The following GREB1L variants were observed in gnomAD, a reference collection of about 807,000 sequenced individuals.
The protein encoded by GREB1L is GREB1 like retinoic acid receptor coactivator, also known as GREB1-like protein.
Under a neutral mutation model 200.8 loss-of-function variants are expected in GREB1L, and 17 were observed. That is an observed-to-expected ratio of 0.08 (90% CI 0.06 to 0.13). The LOEUF (loss-of-function observed/expected upper bound fraction) is 0.13, where lower values mean the gene tolerates loss of function less well. Among genes scored for constraint, GREB1L ranks in the 10% least tolerant of loss-of-function variants. GREB1L has a pLI of 1.00. For synonymous variants in GREB1L, 789 were observed against 893.0 expected (o/e 0.88, Z 2.08); for missense variants, 1,657 against 2,367.7 (o/e 0.70, Z 6.23).
At chr18:21,416,693 C>CAA (rs1366578660) in intron 7 of GREB1L, among the ~76,000 whole-genome samples, 94 of 114,916 alleles carry the variant, frequency 8.2e-4, no homozygotes, top group Non-Finnish European at 9.5e-4. Flanking sequence ...AACTCCATCT[C>CAA]AAAAAAAAAA....
intron 1 of GREB1L, among the ~76,000 whole-genome samples, chr18:21,356,538 G>C (rs2039506645): frequency 6.6e-6 from 1 of 152,110 alleles, no homozygotes; most frequent in Admixed American, 6.6e-5. Context: ...ATTCCATTGT[G>C]TATATATACC....
At chr18:21,412,354 A>T (rs1418708723) in intron 7 of GREB1L, among the ~76,000 whole-genome samples, 1 of 152,114 alleles carries the variant, frequency 6.6e-6, no homozygotes, top group Non-Finnish European at 1.5e-5. Context: ...TCAAGGCCGC[A>T]GTGAGCTGTG....
In GREB1L at chr18:21,525,815, G is replaced by A. The variant is rs2037677493; in HGVS notation, c.*2994G>A. On this transcript the variant is annotated 3_prime_UTR_variant, in exon 33 of 33. Coordinates refer to ENST00000424526, the MANE Select transcript of GREB1L (RefSeq NM_001142966.3). ...AACTTTTGAGAATAACAACTTTGTT[G>A]TCCCAGAAAAATGGCTTTCAATCTA... Among the ~76,000 whole-genome samples, 1 of 152,074 alleles carries A rather than the reference G, an allele frequency of 6.6e-6. No homozygotes were observed. Among genetic ancestry groups the A allele is most frequent in the African/African-American group, 2.4e-5 (1 of 41,406 alleles).
rs1382022501 is a variant in GREB1L, at chr18:21,525,372, T to C, written c.*2551T>C. ...TGTGTCTACTGTTATATTTTTGTCC[T>C]TTGATTTAATTTGCTTAATGTATTA... On this transcript the variant is annotated 3_prime_UTR_variant, in exon 33 of 33. Coordinates refer to ENST00000424526, the MANE Select transcript of GREB1L (RefSeq NM_001142966.3). The C allele has an allele frequency of 6.6e-6, 1 of 152,196 alleles. No individual in the cohort carries two copies. Among genetic ancestry groups the C allele is most frequent in the Non-Finnish European group, 1.5e-5 (1 of 68,036 alleles). 9.4% of individuals were successfully genotyped at this position (152,196 alleles called of 1,614,324 possible).
chr18:21,331,517 C>T lies in GREB1L; in HGVS notation c.-119-34510C>T, dbSNP rs77530300. Among the ~76,000 whole-genome samples the T allele has an allele frequency of 4.2e-3, 645 of 152,282 alleles. 8 individuals carry two copies. Among genetic ancestry groups the T allele is most frequent in the Non-Finnish European group, 5.2e-3 (357 of 68,020 alleles). The stretch of plus-strand genomic sequence containing the variant: ...AAAGAAAGAGAGTTAAAGATTTCAG[C>T]TGCTCTAAAATCTTCTTATTCTGTT... On this transcript the variant is annotated intron_variant, in intron 1 of 32. Transcript: ENST00000424526.
intron 1 of GREB1L, among the ~76,000 whole-genome samples, chr18:21,302,812 C>G (rs2038639662): frequency 6.6e-6 from 1 of 152,118 alleles, no homozygotes; most frequent in East Asian, 1.9e-4. Context: ...ACCTCCCCCT[C>G]CCAGGTTCAA....
chr18:21,430,617 A>G (rs1598823055), intron 7 of GREB1L, among the ~76,000 whole-genome samples: 1 of 111,860 alleles, frequency 8.9e-6, no homozygotes, highest in Non-Finnish European at 1.7e-5. Flanking sequence ...TTAATTTGAG[A>G]CGGAGTTTCG....
rs2034506484 is a variant in GREB1L, at chr18:21,451,287, G to C, written c.1849+136G>C. 3 of 976,782 alleles carry C rather than the reference G, an allele frequency of 3.1e-6. No homozygotes were observed. The Admixed American group carries it at 7.9e-5, about 26-fold the overall frequency. The allele number at this position is 976,782 out of a possible 1,614,324, so 60.5% of individuals were successfully genotyped here. A position where few individuals can be genotyped will look rare whatever the true frequency, so the allele number is the denominator to read the frequency against. On this transcript the variant is annotated intron_variant, in intron 13 of 32. Coordinates refer to ENST00000424526, the MANE Select transcript of GREB1L (RefSeq NM_001142966.3). ...TTTCATTTGAAATGGTTTATCCTAA[G>C]TATTTTGTCACTAACACCACAGGAA...
chr18:21,269,973 T>C (rs2038052315), intron 1 of GREB1L, among the ~76,000 whole-genome samples: 1 of 152,232 alleles, frequency 6.6e-6, no homozygotes, highest in Non-Finnish European at 1.5e-5. Context: ...AAGAGTCTAA[T>C]AATGAAAATT....
chr18:21,472,552 AG>A lies in GREB1L; in HGVS notation c.2183-478del, dbSNP rs560368876. Among the ~76,000 whole-genome samples the A allele has an allele frequency of 2.6e-4, 40 of 152,288 alleles. 1 individual carries two copies. In the South Asian group the frequency reaches 7.9e-3, roughly 30 times the overall value. ...AAATGAGTAAAACACTACCATGAAA[AG>A]CTGACAATCTAACGTGGTATCCTTG... On this transcript the variant is annotated intron_variant, in intron 15 of 32. Coordinates refer to ENST00000424526, the MANE Select transcript of GREB1L (RefSeq NM_001142966.3).
chr18:21,384,656 G>T (rs10469032), intron 4 of GREB1L, among the ~76,000 whole-genome samples: 1,825 of 152,158 alleles, frequency 0.012, 42 homozygotes, highest in African/African-American at 0.041. Flanking sequence ...CCCTGAGATG[G>T]TCTGTTTAGA....
chr18:21,472,969 C>CTCCTGTGTGTGTGTGTATGTG (rs1391520741), intron 15 of GREB1L, 62 bp from the exon 16 acceptor site: 21 of 1,143,118 alleles, frequency 1.8e-5, no homozygotes, highest in Non-Finnish European at 2.4e-5. Context: ...TCAAGTCTAT[C>CTCCTGTGTGTGTGTGTATGTG]TCCTGTGTGT....
chr18:21,348,037 C>G (rs1198468235), intron 1 of GREB1L, among the ~76,000 whole-genome samples: 1 of 148,650 alleles, frequency 6.7e-6, no homozygotes. Flanking sequence ...CTCCGCCTCC[C>G]GGGTTCACGC....
At chr18:21,450,816 T>G in intron 12 of GREB1L, 1 of 499,442 alleles carries the variant, frequency 2.0e-6, no homozygotes. Flanking sequence ...ATCATCTGTA[T>G]TATAAACATT....
chr18:21,246,400 A>T (rs2037602969), intron 1 of GREB1L, among the ~76,000 whole-genome samples: 1 of 152,228 alleles, frequency 6.6e-6, no homozygotes, highest in African/African-American at 2.4e-5. Context: ...TGTCATTAAC[A>T]ATCTATGTGT....
rs1385203957 is a variant in GREB1L at position 21,242,315 on chromosome 18, C to G, written c.-198C>G. 1 of 152,224 alleles carries G rather than the reference C, an allele frequency of 6.6e-6. No individual in the cohort carries two copies. The highest frequency in any genetic ancestry group is 1.5e-5 in the Non-Finnish European group (1 of 68,180). 9.4% of individuals were successfully genotyped at this position (152,224 alleles called of 1,614,324 possible). A position where few individuals can be genotyped will look rare whatever the true frequency, so the allele number is the denominator to read the frequency against. On this transcript the variant is annotated 5_prime_UTR_variant, in exon 1 of 33. Transcript: ENST00000424526. ...GAGCGCAGCGCGGCGCAGGGAACGG[C>G]ACTGGGGGTGGGGAGACCAGCCCGG...
At chr18:21,332,989 G>T (rs1347752306) in intron 1 of GREB1L, among the ~76,000 whole-genome samples, 1 of 152,062 alleles carries the variant, frequency 6.6e-6, no homozygotes, top group Non-Finnish European at 1.5e-5. Context: ...GCTGAAGTAG[G>T]AGGATCACTT....
chr18:21,387,912 A>C (rs2040611247), intron 4 of GREB1L, among the ~76,000 whole-genome samples: 1 of 152,164 alleles, frequency 6.6e-6, no homozygotes, highest in Non-Finnish European at 1.5e-5. Context: ...CTGTTTGCAT[A>C]ATGTTTTTAC....
intron 1 of GREB1L, among the ~76,000 whole-genome samples, chr18:21,340,470 G>A (rs936665334): frequency 2.0e-5 from 3 of 152,022 alleles, no homozygotes; most frequent in African/African-American, 4.8e-5. Flanking sequence ...CAGAGGACAT[G>A]CATTTGAGTG....
Sources: gnomAD v4.1 joint callset for allele counts (sites outside exome capture counted in the v4.1 genomes callset) on GRCh38, gnomAD v4.1.1 for gene constraint, MANE v1.5 for transcripts, NCBI Gene and HGNC (gene_info 2026-07-23, HGNC 2026-07-21) for gene names.